MGA: variants seen among roughly 807,000 people sequenced by gnomAD.
MGA encodes the protein MAX gene-associated protein.
MGA carries 40 observed loss-of-function variants against 261.1 expected under a neutral mutation model. The ratio of observed to expected loss-of-function variants is 0.15; its 90% CI spans 0.12 to 0.20. MGA has a LOEUF of 0.20. MGA is among the 10% of genes least tolerant of loss of function. MGA has a pLI of 1.00. For synonymous variants in MGA, 1,302 were observed against 1,290.6 expected (o/e 1.01, Z -0.19); for missense variants, 3,397 against 3,630.5 (o/e 0.94, Z 1.65).
upstream of MGA, among the ~76,000 whole-genome samples, chr15:41,656,221 G>C (rs980564870): frequency 6.6e-6 from 1 of 152,098 alleles, no homozygotes; most frequent in Non-Finnish European, 1.5e-5. Flanking sequence ...AGGGTGAATA[G>C]AGTTAGGCTG....
At chr15:41,729,918 G>A (rs1296689533) in intron 11 of MGA, among the ~76,000 whole-genome samples, 1 of 151,850 alleles carries the variant, frequency 6.6e-6, no homozygotes, top group Non-Finnish European at 1.5e-5. Flanking sequence ...TTGAGATAGA[G>A]TTTTGCTCTT....
intron 9 of MGA, among the ~76,000 whole-genome samples, chr15:41,726,781 T>A (rs1314771587): frequency 6.6e-6 from 1 of 151,902 alleles, no homozygotes; most frequent in African/African-American, 2.4e-5. Context: ...ACCCTAAATA[T>A]AATGGCAACT....
In MGA at chr15:41,768,108, T is replaced by C. The variant is rs931334483; in HGVS notation, c.*828T>C. The stretch of plus-strand genomic sequence containing the variant: ...TACTCAAGAGACAGCTAAAATAAAA[T>C]GCATTATCTCCCCAGACCAGAGACA... On this transcript the variant is annotated 3_prime_UTR_variant, in exon 24 of 24. Coordinates refer to ENST00000219905, the MANE Select transcript of MGA (RefSeq NM_001164273.2). The C allele has an allele frequency of 2.0e-5, 3 of 152,646 alleles. No individual in the cohort carries two copies. The highest frequency in any genetic ancestry group is 7.2e-5 in the African/African-American group (3 of 41,548). The allele number at this position is 152,646 out of a possible 1,614,324, so 9.5% of individuals were successfully genotyped here.
chr15:41,638,556 G>A (rs1034494212), intron 1 of MGA, among the ~76,000 whole-genome samples: 2 of 151,630 alleles, frequency 1.3e-5, no homozygotes, highest in East Asian at 1.9e-4. Flanking sequence ...TTTTGTAGAC[G>A]GGGTCTTCCT....
In MGA at chr15:41,727,506, T is replaced by C; in HGVS notation, c.3657+100T>C. 4 of 1,125,934 alleles carry C rather than the reference T, an allele frequency of 3.6e-6. No homozygotes were observed. The South Asian group carries it at 6.0e-5, about 17-fold the overall frequency. 69.7% of individuals were successfully genotyped at this position (1,125,934 alleles called of 1,614,324 possible). ...TTGGTTGATATTTTGTGAATCATTT[T>C]GCTTTCAGTAATATGTTTATAAGAT... On this transcript the variant is annotated intron_variant, in intron 10 of 23. Coordinates refer to ENST00000219905, the MANE Select transcript of MGA (RefSeq NM_001164273.2).
intron 9 of MGA, among the ~76,000 whole-genome samples, chr15:41,717,411 A>G (rs1247512551): frequency 1.3e-5 from 2 of 152,220 alleles, no homozygotes; most frequent in Non-Finnish European, 2.9e-5. Flanking sequence ...ACTGAGGAAT[A>G]AAGAGAACAT....
Position 41,748,938 on chromosome 15 carries a change from C to A in MGA, c.5503+11C>A. The stretch of plus-strand genomic sequence containing the variant: ...TGTTTCGGAACCCAGGTATAAAGTT[C>A]TTTTTTATGAACTTTTCTTTTGTTG... On this transcript the variant is annotated intron_variant, in intron 16 of 23. Coordinates refer to ENST00000219905, the MANE Select transcript of MGA (RefSeq NM_001164273.2). 1.2e-6 allele frequency: 2 copies of A among 1,609,218 alleles called. No homozygotes were observed. Among genetic ancestry groups the A allele is most frequent in the Non-Finnish European group, 1.7e-6 (2 of 1,178,022 alleles).
Position 41,740,133 on chromosome 15 carries a change from C to T in MGA, c.4515C>T (p.Ser1505=), listed in dbSNP as rs1395187901. 7.4e-6 allele frequency: 12 copies of T among 1,613,994 alleles called. 1 individual carries two copies. The highest frequency in any genetic ancestry group is 2.2e-5 in the East Asian group (1 of 44,890). Residue 1505 remains serine, a synonymous_variant, in exon 14 of 24, where the codon TCC becomes TCT. Transcript: ENST00000219905. ...CAACATCCAATTCCAAAATGGCATC[C>T]TCCTCTGGCACTGCAACAAATCGCC...
At position 41,762,375 on chromosome 15, in the gene MGA, T is replaced by G; in HGVS notation, c.7744+13T>G. ...GACCAGGCCACAGGTAGGAGGGACA[T>G]TCTTCGCTTTCCTTAATGTAGATAT... is the stretch of plus-strand genomic sequence containing the variant. On this transcript the variant is annotated intron_variant, in intron 22 of 23. Transcript: ENST00000219905. The G allele has an allele frequency of 6.2e-7, 1 of 1,601,636 alleles. No homozygotes were observed. Among genetic ancestry groups the G allele is most frequent in the African/African-American group, 1.3e-5 (1 of 74,448 alleles).
chr15:41,701,480 A>G (rs1286348872), intron 5 of MGA, among the ~76,000 whole-genome samples: 1 of 152,098 alleles, frequency 6.6e-6, no homozygotes. Flanking sequence ...CGTTTCCTTA[A>G]TGGAATGGGG....
intron 1 of MGA, among the ~76,000 whole-genome samples, chr15:41,643,932 A>AT (rs202213618): frequency 0.033 from 5,014 of 152,016 alleles, 140 homozygotes; most frequent in South Asian, 0.07. Context: ...TTTTTTTTCC[A>AT]TAAAAGTTTT....
intron 1 of MGA, among the ~76,000 whole-genome samples, chr15:41,642,010 G>A (rs1029428601): frequency 6.6e-6 from 1 of 151,964 alleles, no homozygotes; most frequent in African/African-American, 2.4e-5. Context: ...TGCCCAGACT[G>A]GTCTCCCGCT....
intron 9 of MGA, among the ~76,000 whole-genome samples, chr15:41,716,645 G>T (rs2060653479): frequency 6.6e-6 from 1 of 151,898 alleles, no homozygotes; most frequent in Admixed American, 6.6e-5. Context: ...GAAACTGAGG[G>T]TAAAAAAAAG....
intron 9 of MGA, among the ~76,000 whole-genome samples, chr15:41,719,054 C>T (rs1390323433): frequency 6.6e-6 from 1 of 152,036 alleles, no homozygotes; most frequent in Non-Finnish European, 1.5e-5. Context: ...GAGGTTGCAG[C>T]ATACATTATC....
intron 2 of MGA, among the ~76,000 whole-genome samples, chr15:41,679,667 C>G (rs1218960310): frequency 6.6e-6 from 1 of 151,718 alleles, no homozygotes. Flanking sequence ...GAGTTTGTAT[C>G]CTTCAACTTT....
chr15:41,661,822 G>A (rs1243905604), intron 1 of MGA, among the ~76,000 whole-genome samples: 1 of 152,142 alleles, frequency 6.6e-6, no homozygotes, highest in Non-Finnish European at 1.5e-5. Context: ...TGGGAAGGGG[G>A]TTGGCAGGGG....
rs1285630019 is a variant in MGA, at chr15:41,766,334, T to C, written c.8252T>C (p.Met2751Thr). 10 of 1,613,848 alleles carry C rather than the reference T, an allele frequency of 6.2e-6. No individual in the cohort carries two copies. Among genetic ancestry groups the C allele is most frequent in the Non-Finnish European group, 8.5e-6 (10 of 1,179,838 alleles). Residue 2751 changes from methionine to threonine, a missense_variant, in exon 24 of 24, where the codon ATG becomes ACG. By Grantham distance (81) the Met-to-Thr change is moderately conservative. Coordinates refer to ENST00000219905, the MANE Select transcript of MGA (RefSeq NM_001164273.2). ...TTACCTAAAAAGATTTCTGGTGATA[T>C]GAGAGGGATTCAGTATAAATGGAAA...
rs190221182 is a variant in MGA, at chr15:41,645,553, C to T, written c.-67-23275C>T. 1.4e-4 allele frequency among the ~76,000 whole-genome samples: 22 copies of T among 152,190 alleles called. No homozygotes were observed. The East Asian group carries it at 1.7e-3, about 12-fold the overall frequency. ...GAGCTGAGATTGTGCCACTGCACTC[C>T]AGCCTGGGCTACAGAGTGAGACTCT... On this transcript the variant is annotated intron_variant, in intron 1 of 8. Transcript: ENST00000566718.
Position 41,767,264 on chromosome 15 carries a change from G to C in MGA, c.9182G>C (p.Ser3061Thr). ...TTGGGCAACTCGGGGGCCTCACCAA[G>C]TTCTGCAGGGAAATGAACTTACTTG... Residue 3061 changes from serine to threonine, a missense_variant, in exon 24 of 24, where the codon AGT becomes ACT. By Grantham distance (58) the Ser-to-Thr change is moderately conservative. This residue lies in a region of MGA where 647 missense variants were observed against 642.4 expected (regional missense o/e 1.01). Transcript: ENST00000219905. 6.2e-7 allele frequency: 1 copy of C among 1,610,772 alleles called. No homozygotes were observed. Among genetic ancestry groups the C allele is most frequent in the Non-Finnish European group, 8.5e-7 (1 of 1,177,970 alleles).
Sources: allele counts gnomAD v4.1 joint callset (sites outside exome capture counted in the v4.1 genomes callset), GRCh38; gene constraint gnomAD v4.1.1; regional missense constraint gnomAD v4.1.1; transcripts MANE v1.5; gene names NCBI Gene and HGNC (gene_info 2026-07-23, HGNC 2026-07-21).